CNTNAP2: variants seen among roughly 807,000 people sequenced by gnomAD.
CNTNAP2 encodes contactin-associated protein-like 2.
CNTNAP2 carries 98 observed loss-of-function variants against 155.2 expected under a neutral mutation model. The ratio of observed to expected loss-of-function variants is 0.63; its 90% CI spans 0.54 to 0.75. The LOEUF is 0.75. Among genes scored for constraint, CNTNAP2 ranks in the 30% least tolerant of loss-of-function variants. CNTNAP2 has a pLI of 0.00. For synonymous variants in CNTNAP2, 651 were observed against 631.2 expected (o/e 1.03, Z -0.47); for missense variants, 1,727 against 1,688.1 (o/e 1.02, Z -0.40).
intron 18 of CNTNAP2, among the ~76,000 whole-genome samples, chr7:148,177,517 G>A (rs1326671320): frequency 1.3e-5 from 2 of 152,282 alleles, no homozygotes; most frequent in African/African-American, 2.4e-5. Flanking sequence ...ATACAAGTTC[G>A]AAGAAAAACC....
rs1160776624 is a variant in CNTNAP2 at position 147,368,096 on chromosome 7, T to TCTCA, written c.1499-27512_1499-27511insTCAC. On this transcript the variant is annotated intron_variant, in intron 9 of 23. Coordinates refer to ENST00000361727, the MANE Select transcript of CNTNAP2 (RefSeq NM_014141.6). ...CTCCCTCCTTTCCTCTCTCTCTCTG[T>TCTCA]CACACACACACACACACACACACAC... Among the ~76,000 whole-genome samples, 12 of 117,094 alleles carry TCTCA rather than the reference T, an allele frequency of 1.0e-4. 1 individual carries two copies. The highest frequency in any genetic ancestry group is 1.0e-3 in the South Asian group (3 of 2,934). The allele number at this position is 117,094 out of a possible 152,430, so 76.8% of individuals were successfully genotyped here.
At chr7:146,786,539 G>A (rs1413535309) in intron 2 of CNTNAP2, among the ~76,000 whole-genome samples, 3 of 152,116 alleles carry the variant, frequency 2.0e-5, no homozygotes, top group African/African-American at 7.2e-5. Flanking sequence ...TATACACCAA[G>A]AATGAGCAAT....
At chr7:146,530,864 C>A (rs1295619951) in intron 1 of CNTNAP2, among the ~76,000 whole-genome samples, 7 of 152,176 alleles carry the variant, frequency 4.6e-5, no homozygotes, top group African/African-American at 1.7e-4. Context: ...CCAGCAATTC[C>A]ATTATTGCAT....
Position 146,380,784 on chromosome 7 carries a change from C to CTTTTTTTTTTTTTTTT in CNTNAP2, c.97+263829_97+263844dup, listed in dbSNP as rs56886106. Among the ~76,000 whole-genome samples, 2 of 38,820 alleles carry CTTTTTTTTTTTTTTTT rather than the reference C, an allele frequency of 5.2e-5. 1 individual carries two copies. The highest frequency in any genetic ancestry group is 1.6e-4 in the African/African-American group (2 of 12,770). The allele number at this position is 38,820 out of a possible 152,430, so 25.5% of individuals were successfully genotyped here. On this transcript the variant is annotated intron_variant, in intron 1 of 23. Coordinates refer to ENST00000361727, the MANE Select transcript of CNTNAP2 (RefSeq NM_014141.6). The stretch of plus-strand genomic sequence containing the variant: ...ATATTTCTTGCTTCTTATGCACGTT[C>CTTTTTTTTTTTTTTTT]TTTTTTTTTTTTTTTTTTTTTTTTT...
At chr7:147,526,231 A>G (rs963054758) in intron 11 of CNTNAP2, among the ~76,000 whole-genome samples, 1 of 151,452 alleles carries the variant, frequency 6.6e-6, no homozygotes, top group Non-Finnish European at 1.5e-5. Flanking sequence ...ATTGTTGTGG[A>G]AAAACATTGC....
intron 1 of CNTNAP2, among the ~76,000 whole-genome samples, chr7:146,335,705 T>C (rs1316150815): frequency 6.6e-6 from 1 of 152,190 alleles, no homozygotes. Flanking sequence ...TGTAGCTTCT[T>C]TGTGTCATTT....
At chr7:146,823,671 C>G (rs1414605586) in intron 2 of CNTNAP2, among the ~76,000 whole-genome samples, 1 of 151,412 alleles carries the variant, frequency 6.6e-6, no homozygotes, top group East Asian at 2.0e-4. Context: ...TATGAGTATA[C>G]TCATTCTTCA....
At chr7:146,335,646 C>A (rs536366301) in intron 1 of CNTNAP2, among the ~76,000 whole-genome samples, 1 of 152,134 alleles carries the variant, frequency 6.6e-6, no homozygotes, top group African/African-American at 2.4e-5. Context: ...CTTTTCCATC[C>A]TTCACGTTTT....
intron 1 of CNTNAP2, among the ~76,000 whole-genome samples, chr7:146,646,632 ATTTTCTG>A (rs996069919): frequency 2.6e-5 from 4 of 152,110 alleles, no homozygotes; most frequent in African/African-American, 9.7e-5. Flanking sequence ...ATATTCTCAA[ATTTTCTG>A]GCATAAATAA....
chr7:146,514,932 T>C (rs944099193), intron 1 of CNTNAP2, among the ~76,000 whole-genome samples: 1 of 152,110 alleles, frequency 6.6e-6, no homozygotes, highest in African/African-American at 2.4e-5. Context: ...TAGCATTACA[T>C]GTCACCTCAA....
chr7:147,262,492 G>C (rs990474269), intron 8 of CNTNAP2, among the ~76,000 whole-genome samples: 4 of 152,048 alleles, frequency 2.6e-5, no homozygotes, highest in Non-Finnish European at 4.4e-5. Context: ...CACACACAGA[G>C]GGAGGGGTAT....
intron 2 of CNTNAP2, among the ~76,000 whole-genome samples, chr7:146,816,323 G>C (rs1046418112): frequency 1.3e-5 from 2 of 152,118 alleles, no homozygotes; most frequent in Non-Finnish European, 2.9e-5. Context: ...AGGTAGAGAG[G>C]AGGCAGAGAA....
chr7:146,431,974 G>A lies in CNTNAP2; in HGVS notation c.97+315001G>A, dbSNP rs745900894. Among the ~76,000 whole-genome samples, 7 of 152,064 alleles carry A rather than the reference G, an allele frequency of 4.6e-5. No individual in the cohort carries two copies. In the South Asian group the frequency reaches 8.3e-4, roughly 18 times the overall value. ...TTTCACACACAGAAAAAACATAAAT[G>A]CTCAATCATTAAAGGTGGTGAAGAT... On this transcript the variant is annotated intron_variant, in intron 1 of 23. Coordinates refer to ENST00000361727, the MANE Select transcript of CNTNAP2 (RefSeq NM_014141.6).
chr7:148,155,684 T>A (rs994549599), intron 17 of CNTNAP2, among the ~76,000 whole-genome samples: 10 of 152,224 alleles, frequency 6.6e-5, no homozygotes, highest in African/African-American at 1.2e-4. Context: ...AAAAAATTTA[T>A]ATCTCAAAAG....
chr7:147,869,690 T>C (rs960390405), intron 13 of CNTNAP2, among the ~76,000 whole-genome samples: 6 of 152,220 alleles, frequency 3.9e-5, no homozygotes, highest in African/African-American at 1.4e-4. Flanking sequence ...TAAGTGTCCC[T>C]GAATAATGAC....
intron 3 of CNTNAP2, among the ~76,000 whole-genome samples, chr7:146,891,703 G>A (rs1311681898): frequency 6.6e-6 from 1 of 152,126 alleles, no homozygotes; most frequent in Non-Finnish European, 1.5e-5. Context: ...ATGGGCAAAT[G>A]TCTCAAGGTT....
chr7:146,592,023 A>G (rs1218830418), intron 1 of CNTNAP2, among the ~76,000 whole-genome samples: 3 of 152,154 alleles, frequency 2.0e-5, no homozygotes, highest in East Asian at 3.9e-4. Context: ...CCTCTGACCC[A>G]TTTGCCATGA....
chr7:146,435,203 AATTTAAAATTTAGTGTT>A (rs1796224958), intron 1 of CNTNAP2, among the ~76,000 whole-genome samples: 1 of 152,144 alleles, frequency 6.6e-6, no homozygotes, highest in Admixed American at 6.5e-5. Flanking sequence ...CAGATGGTCT[AATTTAAAATTTAGTGTT>A]ATTAACATTA....
chr7:147,893,280 C>T (rs573745808), intron 13 of CNTNAP2, among the ~76,000 whole-genome samples: 1 of 152,128 alleles, frequency 6.6e-6, no homozygotes, highest in African/African-American at 2.4e-5. Flanking sequence ...GAATTTTTGA[C>T]TCCAGACCAT....
Sources: gnomAD v4.1 joint callset for allele counts (sites outside exome capture counted in the v4.1 genomes callset) on GRCh38, gnomAD v4.1.1 for gene constraint, MANE v1.5 for transcripts, NCBI Gene and HGNC (gene_info 2026-07-23, HGNC 2026-07-21) for gene names.